The following EPHA6 variants were observed in gnomAD, a reference collection of about 807,000 sequenced individuals.
EPHA6 encodes the protein EPH receptor A6.
EPHA6 carries 50 observed loss-of-function variants against 112.0 expected under a neutral mutation model. The ratio of observed to expected loss-of-function variants is 0.45; its 90% CI spans 0.36 to 0.56. EPHA6 has a LOEUF of 0.56. Ranked by LOEUF, EPHA6 falls within the 20% of genes least tolerant of loss-of-function variation. EPHA6 has a pLI of 0.00. For synonymous variants in EPHA6, 529 were observed against 490.7 expected (o/e 1.08, Z -1.03); for missense variants, 1,280 against 1,417.4 (o/e 0.90, Z 1.56).
chr3:97,051,264 A>G (rs2255245), intron 3 of EPHA6, among the ~76,000 whole-genome samples: 9,521 of 152,198 alleles, frequency 0.063, 326 homozygotes, highest in Middle Eastern at 0.11. Context: ...GGAAAATGTC[A>G]CTGGAGAACT....
chr3:96,962,231 C>A (rs1255969901), intron 2 of EPHA6, among the ~76,000 whole-genome samples: 2 of 152,076 alleles, frequency 1.3e-5, no homozygotes, highest in Middle Eastern at 3.4e-3. Context: ...GCTTTGATGG[C>A]ATCTCCCACA....
intron 1 of EPHA6, among the ~76,000 whole-genome samples, chr3:96,815,778 T>C (rs1205933961): frequency 6.6e-6 from 1 of 152,182 alleles, no homozygotes; most frequent in Non-Finnish European, 1.5e-5. Context: ...TTTCCCTTTT[T>C]CTATTCATAC....
intron 14 of EPHA6, among the ~76,000 whole-genome samples, chr3:97,652,946 G>T (rs150479011): frequency 2.6e-5 from 4 of 151,854 alleles, no homozygotes; most frequent in Admixed American, 6.6e-5. Flanking sequence ...CATATTAATA[G>T]ATAACATAAA....
intron 3 of EPHA6, among the ~76,000 whole-genome samples, chr3:97,135,590 A>T (rs2075747406): frequency 6.6e-6 from 1 of 152,134 alleles, no homozygotes; most frequent in Non-Finnish European, 1.5e-5. Flanking sequence ...TTTAAAGTGT[A>T]TTCAAGTCAC....
At chr3:97,735,530 T>C (rs891002489) in intron 15 of EPHA6, among the ~76,000 whole-genome samples, 13 of 152,022 alleles carry the variant, frequency 8.6e-5, no homozygotes, top group Admixed American at 7.9e-4. Flanking sequence ...CAACAGAATT[T>C]TTCTTAAAAT....
In EPHA6 at chr3:97,750,503, C is replaced by T. The variant is rs1336912182; in HGVS notation, c.*1802C>T. 2.0e-5 allele frequency among the ~76,000 whole-genome samples: 3 copies of T among 151,986 alleles called. No individual in the cohort carries two copies. Among genetic ancestry groups the T allele is most frequent in the East Asian group, 1.9e-4 (1 of 5,160 alleles). ...ACCCGAGTAGCTGGGATTACAGGCG[C>T]CTGCCACCACTCCCGGCTAATTTTT... On this transcript the variant is annotated 3_prime_UTR_variant, in exon 18 of 18. Transcript: ENST00000389672.
rs926601023 is a variant in EPHA6 at position 97,678,705 on chromosome 3, T to C, written c.2784+40623T>C. Among the ~76,000 whole-genome samples, 3 of 152,212 alleles carry C rather than the reference T, an allele frequency of 2.0e-5. 1 individual carries two copies. Among genetic ancestry groups the C allele is most frequent in the African/African-American group, 7.2e-5 (3 of 41,466 alleles). On this transcript the variant is annotated intron_variant, in intron 14 of 17. Transcript: ENST00000389672. ...GTTTTTGTAATTTCTGTCAGAACTC[T>C]AATAGTTTTGCTTTATATATTTTGA... is the stretch of plus-strand genomic sequence containing the variant.
At chr3:97,079,548 G>A (rs1296271472) in intron 3 of EPHA6, among the ~76,000 whole-genome samples, 1 of 147,678 alleles carries the variant, frequency 6.8e-6, no homozygotes, top group South Asian at 2.2e-4. Context: ...AGACCCCTAT[G>A]ACACAAGTTT....
intron 3 of EPHA6, among the ~76,000 whole-genome samples, chr3:97,074,306 C>T (rs990703514): frequency 3.3e-5 from 5 of 151,952 alleles, no homozygotes; most frequent in Admixed American, 1.3e-4. Context: ...GTATGTCAGT[C>T]AGCACATATA....
intron 2 of EPHA6, among the ~76,000 whole-genome samples, chr3:96,985,155 G>A (rs1399859455): frequency 1.3e-5 from 2 of 152,138 alleles, no homozygotes; most frequent in Admixed American, 1.3e-4. Flanking sequence ...GCTAGGAGCT[G>A]TAGACTGGAG....
chr3:97,348,871 G>A (rs1353661025), intron 5 of EPHA6, among the ~76,000 whole-genome samples: 1 of 151,816 alleles, frequency 6.6e-6, no homozygotes, highest in African/African-American at 2.4e-5. Context: ...TGGAAGTGAG[G>A]GAGTCGACAT....
intron 5 of EPHA6, among the ~76,000 whole-genome samples, chr3:97,337,222 T>A (rs2108845221): frequency 6.6e-6 from 1 of 152,290 alleles, no homozygotes; most frequent in Admixed American, 6.5e-5. Flanking sequence ...GTGTTGTACC[T>A]GATCTCTGAC....
chr3:97,570,469 C>T (rs564101169), intron 11 of EPHA6, among the ~76,000 whole-genome samples: 4 of 152,300 alleles, frequency 2.6e-5, no homozygotes, highest in Admixed American at 6.5e-5. Context: ...CGGTGGCTCA[C>T]GCCTGTAATC....
intron 9 of EPHA6, 40 bp from the exon 10 acceptor site, chr3:97,483,894 T>C: frequency 6.4e-7 from 1 of 1,568,216 alleles, no homozygotes; most frequent in Non-Finnish European, 8.6e-7. Flanking sequence ...ACCACTGAGA[T>C]ACTCAAACTA....
At chr3:97,113,122 T>C (rs886937195) in intron 3 of EPHA6, among the ~76,000 whole-genome samples, 1 of 152,108 alleles carries the variant, frequency 6.6e-6, no homozygotes, top group Admixed American at 6.6e-5. Context: ...CCTTGTCCTG[T>C]AGATAATCAT....
At chr3:96,864,554 T>A (rs2036197319) in intron 1 of EPHA6, among the ~76,000 whole-genome samples, 1 of 152,048 alleles carries the variant, frequency 6.6e-6, no homozygotes, top group Non-Finnish European at 1.5e-5. Flanking sequence ...GAAAGGGATT[T>A]CTTATAAAGG....
intron 2 of EPHA6, among the ~76,000 whole-genome samples, chr3:96,977,319 C>T (rs1292273664): frequency 1.3e-5 from 2 of 151,996 alleles, no homozygotes; most frequent in Non-Finnish European, 2.9e-5. Flanking sequence ...AAATAATGTG[C>T]ACACATAGAT....
chr3:97,512,718 C>T (rs1184320206), intron 10 of EPHA6, among the ~76,000 whole-genome samples: 4 of 152,124 alleles, frequency 2.6e-5, no homozygotes, highest in African/African-American at 9.7e-5. Flanking sequence ...CATTGCACCA[C>T]CACACCCGGC....
At chr3:97,389,819 T>C (rs543091457) in intron 5 of EPHA6, among the ~76,000 whole-genome samples, 28 of 152,160 alleles carry the variant, frequency 1.8e-4, no homozygotes, top group Non-Finnish European at 3.5e-4. Context: ...TGAAGCAATG[T>C]TATGTTTAAC....
Sources: gnomAD v4.1 joint callset for allele counts (sites outside exome capture counted in the v4.1 genomes callset) on GRCh38, gnomAD v4.1.1 for gene constraint, MANE v1.5 for transcripts, NCBI Gene and HGNC (gene_info 2026-07-23, HGNC 2026-07-21) for gene names.